Variants in AMY2B observed in about 807,000 individuals in gnomAD.
AMY2B encodes the protein amylase alpha 2B, also known as alpha-amylase 2B.
In AMY2B, 63 loss-of-function variants were observed where a neutral mutation model predicts 59.3. The ratio of observed to expected loss-of-function variants is 1.06; its 90% CI spans 0.87 to 1.31. The LOEUF (loss-of-function observed/expected upper bound fraction) is 1.31. AMY2B is among the 50% of genes most tolerant of loss of function. The pLI, the probability that AMY2B is intolerant of heterozygous loss-of-function variation, is 0.00. For synonymous variants in AMY2B, 180 were observed against 198.1 expected (o/e 0.91, Z 0.77); for missense variants, 635 against 626.7 (o/e 1.01, Z -0.14).
At chr1:103,563,639 G>A (rs991456124) in intron 1 of AMY2B, among the ~76,000 whole-genome samples, 9 of 152,206 alleles carry the variant, frequency 5.9e-5, no homozygotes, top group African/African-American at 2.2e-4. Flanking sequence ...TTATATGTGT[G>A]TCTAACTCTA....
At chr1:103,579,258 T>C in intron 9 of AMY2B, 53 bp from the exon 10 acceptor site, 1 of 1,611,398 alleles carries the variant, frequency 6.2e-7, no homozygotes, top group Non-Finnish European at 8.5e-7. Flanking sequence ...TGTGTTAGCC[T>C]GTATTCTTGA....
rs369354410 is a variant in AMY2B, at chr1:103,558,660, G to A, written c.-207+3551G>A. Among the ~76,000 whole-genome samples, 12 of 152,036 alleles carry A rather than the reference G, an allele frequency of 7.9e-5. No individual in the cohort carries two copies. In the South Asian group the frequency reaches 2.3e-3, roughly 29 times the overall value. The stretch of plus-strand genomic sequence containing the variant: ...TGCTTGTAATCCCAACAACTTGGGA[G>A]GCTGAGGAGGGAGGACCACTTAAGC... On this transcript the variant is annotated intron_variant, in intron 1 of 11. Transcript: ENST00000361355.
rs760832741 is a variant in AMY2B at position 103,577,589 on chromosome 1, C to T, written c.1201C>T (p.His401Tyr). 6.2e-6 allele frequency: 10 copies of T among 1,611,936 alleles called. No individual in the cohort carries two copies. The highest frequency in any genetic ancestry group is 8.5e-6 in the Non-Finnish European group (10 of 1,179,816). ...TTGTGGCAATGACTGGGTCTGTGAA[C>T]ATCGATGGCGCCAAATAAGGTGAGA... ...TTCGNDWVCE[H>Y]RWRQIRNMVN... The change falls in exon 8 of 10, where the codon CAT becomes TAT. Residue 401 changes from histidine to tyrosine, a missense_variant. Physicochemically the swap from His to Tyr is moderately conservative, Grantham distance 83. Coordinates refer to ENST00000684275, the MANE Select transcript of AMY2B (RefSeq NM_001387437.1).
Position 103,573,365 on chromosome 1 carries a change from A to C in AMY2B, c.513+105A>C, listed in dbSNP as rs1652214752. On this transcript the variant is annotated intron_variant, in intron 3 of 9. Coordinates refer to ENST00000684275, the MANE Select transcript of AMY2B (RefSeq NM_001387437.1). ...TTTTAAATACGAATTTAGATCTCTT[A>C]GGGACACAGGTTAACAGGTTTGACT... 19 of 1,563,942 alleles carry C rather than the reference A, an allele frequency of 1.2e-5. No individual in the cohort carries two copies. In the South Asian group the frequency reaches 2.3e-4, roughly 19 times the overall value.
At chr1:103,571,227 A>G, upstream of AMY2B, 1 of 665,528 alleles carries the variant, frequency 1.5e-6, no homozygotes, top group Non-Finnish European at 2.1e-6. Context: ...TATACCTATA[A>G]ATGTATTCAT....
intron 5 of AMY2B, 40 bp downstream of exon 5, chr1:103,574,433 T>A (rs1400968406): frequency 3.1e-6 from 5 of 1,608,788 alleles, no homozygotes; most frequent in Non-Finnish European, 4.2e-6. Flanking sequence ...ATTTCATAGA[T>A]TTATTAGTCA....
chr1:103,575,013 G>GGT (rs1000077186), intron 5 of AMY2B, among the ~76,000 whole-genome samples: 4 of 148,050 alleles, frequency 2.7e-5, no homozygotes, highest in South Asian at 2.1e-4. Context: ...GTGTGTATAT[G>GGT]GTGTGTGTGT....
At chr1:103,570,318 G>C, upstream of AMY2B, 1 of 632,192 alleles carries the variant, frequency 1.6e-6, no homozygotes, top group Non-Finnish European at 3.0e-6. Context: ...AGGTTGCAGT[G>C]TCCCGAGACG....
At chr1:103,557,506 T>C (rs1164096188) in intron 1 of AMY2B, among the ~76,000 whole-genome samples, 1 of 151,762 alleles carries the variant, frequency 6.6e-6, no homozygotes, top group Non-Finnish European at 1.5e-5. Context: ...ACAAAAAAAA[T>C]TGCTGGGCAT....
intron 1 of AMY2B, among the ~76,000 whole-genome samples, chr1:103,557,874 A>G (rs1651610604): frequency 1.3e-5 from 2 of 152,164 alleles, no homozygotes; most frequent in African/African-American, 2.4e-5. Context: ...ATGCATAGAA[A>G]TGATCATACA....
chr1:103,575,743 C>T (rs1652327881), intron 7 of AMY2B: 4 of 718,920 alleles, frequency 5.6e-6, no homozygotes, highest in Admixed American at 3.8e-5. Context: ...CAAGCCTTTT[C>T]AGACATATGA....
At chr1:103,564,328 A>G (rs1045985366) in intron 1 of AMY2B, among the ~76,000 whole-genome samples, 5 of 152,028 alleles carry the variant, frequency 3.3e-5, no homozygotes, top group African/African-American at 1.2e-4. Context: ...ATGAAGTTCA[A>G]ATGGTGCCCC....
At chr1:103,564,368 C>T (rs1249106807) in intron 1 of AMY2B, among the ~76,000 whole-genome samples, 1 of 152,078 alleles carries the variant, frequency 6.6e-6, no homozygotes, top group Non-Finnish European at 1.5e-5. Context: ...ACACCATCAG[C>T]CCTGTATCAC....
chr1:103,566,790 C>CACTTTT (rs1279851045), upstream of AMY2B, among the ~76,000 whole-genome samples: 3 of 152,276 alleles, frequency 2.0e-5, no homozygotes, highest in Admixed American at 6.5e-5. Context: ...ATGTGTACAA[C>CACTTTT]ACTTTTGCTA....
chr1:103,573,398 GA>G (rs1652216203), intron 3 of AMY2B, 138 bp downstream of exon 3: 18 of 1,445,184 alleles, frequency 1.2e-5, no homozygotes, highest in Non-Finnish European at 1.7e-5. Flanking sequence ...ACTACTTTAA[GA>G]AACTCAAATC....
Position 103,575,221 on chromosome 1 carries a change from A to T in AMY2B, c.879-2A>T, listed in dbSNP as rs1436971847. On this transcript the variant is annotated splice_acceptor_variant, in intron 5 of 9. Coordinates refer to ENST00000684275, the MANE Select transcript of AMY2B (RefSeq NM_001387437.1). LOFTEE classifies it high-confidence loss of function. Reference sequence around the variant, plus strand: ...AACATATATCTTATTTTTCAAAAATAGGAACTGGGGAGAAGGTTGGGGTTT... The same window carrying T: ...AACATATATCTTATTTTTCAAAAATTGGAACTGGGGAGAAGGTTGGGGTTT... The T allele has an allele frequency of 1.9e-6, 3 of 1,613,554 alleles. No individual in the cohort carries two copies. In the South Asian group the frequency reaches 3.3e-5, roughly 18 times the overall value.
In AMY2B at chr1:103,572,112, C is replaced by A. The variant is rs777307762; in HGVS notation, c.171C>A (p.Val57=). ...LAPKGFGGVQ[V]SPPNENVAIH... ...TATGAAGACTGTTTAATTTGTAGGT[C>A]TCTCCACCAAATGAAAATGTTGCAA... Residue 57 remains valine, a splice_region_variant and synonymous_variant, in exon 2 of 10, where the codon GTC becomes GTA. Coordinates refer to ENST00000684275, the MANE Select transcript of AMY2B (RefSeq NM_001387437.1). 2 of 1,611,500 alleles carry A rather than the reference C, an allele frequency of 1.2e-6. No individual in the cohort carries two copies. Among genetic ancestry groups the A allele is most frequent in the East Asian group, 2.2e-5 (1 of 44,800 alleles).
chr1:103,561,297 C>T (rs1262778504), intron 1 of AMY2B, among the ~76,000 whole-genome samples: 1 of 152,032 alleles, frequency 6.6e-6, no homozygotes, highest in African/African-American at 2.4e-5. Flanking sequence ...GACGGAGTCT[C>T]ATTCTTGTTG....
In AMY2B at chr1:103,573,934, A is replaced by G. The variant is rs767610231; in HGVS notation, c.740A>G (p.Gln247Arg). The G allele has an allele frequency of 8.1e-6, 13 of 1,613,820 alleles. No individual in the cohort carries two copies. Among genetic ancestry groups the G allele is most frequent in the Admixed American group, 1.7e-5 (1 of 60,006 alleles). ...GCAGGAAGTAAACCTTTCATTTACCAGGAGGTACATCAATACATATATGCA... is the reference window on the plus strand; with the variant it reads ...GCAGGAAGTAAACCTTTCATTTACCGGGAGGTACATCAATACATATATGCA... ...FPAGSKPFIY[Q>R]EVIDLGGEPI... is the part of the protein sequence containing the mutation. Residue 247 changes from glutamine to arginine, a missense_variant, in exon 4 of 10, where the codon CAG becomes CGG. By Grantham distance (43) the Gln-to-Arg change is conservative. Coordinates refer to ENST00000684275, the MANE Select transcript of AMY2B (RefSeq NM_001387437.1).
Sources: gnomAD v4.1 joint callset for allele counts (sites outside exome capture counted in the v4.1 genomes callset) on GRCh38, gnomAD v4.1.1 for gene constraint, MANE v1.5 for transcripts, NCBI Gene and HGNC (gene_info 2026-07-23, HGNC 2026-07-21) for gene names.